B3GAT2: variants seen among roughly 807,000 people sequenced by gnomAD.
B3GAT2 encodes beta-1,3-glucuronyltransferase 2, also known as galactosylgalactosylxylosylprotein 3-beta-glucuronosyltransferase 2.
A neutral mutation model predicts 27.8 loss-of-function variants in B3GAT2; 26 were observed. The ratio of observed to expected loss-of-function variants is 0.93; its 90% CI spans 0.68 to 1.30. The LOEUF (loss-of-function observed/expected upper bound fraction) is 1.30, where lower values mean the gene tolerates loss of function less well. B3GAT2 is among the 50% of genes most tolerant of loss of function. The pLI is 0.00. For missense variants in B3GAT2, 458 were observed against 459.0 expected (o/e 1.00, Z 0.02); for synonymous variants, 218 against 195.1 (o/e 1.12, Z -0.98).
chr6:70,858,355 T>C lies in B3GAT2; in HGVS notation c.*3308A>G, dbSNP rs1771535096. The C allele has an allele frequency of 2.5e-6, 2 of 809,750 alleles. No homozygotes were observed. The highest frequency in any genetic ancestry group is 3.7e-6 in the Non-Finnish European group (2 of 545,084). 50.2% of individuals were successfully genotyped at this position (809,750 alleles called of 1,614,324 possible). On this transcript the variant is annotated 3_prime_UTR_variant, in exon 4 of 4. Transcript: ENST00000230053. The stretch of plus-strand genomic sequence containing the variant: ...GGCAGAAAGAATTCAATAGGGATAA[T>C]ATGTTATAGGGTCAAAAGTATCTAT...
intron 1 of B3GAT2, among the ~76,000 whole-genome samples, chr6:70,895,280 A>G (rs534268996): frequency 6.2e-4 from 95 of 152,274 alleles, no homozygotes; most frequent in Non-Finnish European, 1.2e-3. Flanking sequence ...TTGCTATAGA[A>G]CTGAACTGGG....
At chr6:70,890,373 C>T (rs901329971) in intron 2 of B3GAT2, among the ~76,000 whole-genome samples, 1 of 152,120 alleles carries the variant, frequency 6.6e-6, no homozygotes, top group Non-Finnish European at 1.5e-5. Flanking sequence ...CCCTGGTCCA[C>T]AGGACTCCAG....
Position 70,856,764 on chromosome 6 carries a change from C to CT in B3GAT2, c.*4898dup. ...TTTACCTTCTACAATTGTTTGATTC[C>CT]TATCTAATTTTATAACTTTATTTGG... On this transcript the variant is annotated 3_prime_UTR_variant, in exon 4 of 4. Transcript: ENST00000230053. 1 of 1,274,454 alleles carries CT rather than the reference C, an allele frequency of 7.8e-7. No homozygotes were observed. The highest frequency in any genetic ancestry group is 1.1e-6 in the Non-Finnish European group (1 of 941,002). 78.9% of individuals were successfully genotyped at this position (1,274,454 alleles called of 1,614,324 possible).
intron 1 of B3GAT2, among the ~76,000 whole-genome samples, chr6:70,924,821 A>C (rs536043685): frequency 2.6e-5 from 4 of 152,230 alleles, no homozygotes; most frequent in Non-Finnish European, 5.9e-5. Flanking sequence ...AGACCACCAG[A>C]ATGGGAGAAT....
intron 1 of B3GAT2, among the ~76,000 whole-genome samples, chr6:70,899,770 G>C (rs1372524833): frequency 1.3e-5 from 2 of 152,088 alleles, no homozygotes; most frequent in Non-Finnish European, 2.9e-5. Context: ...TCTGTCCTTT[G>C]TTCTGTGTCA....
intron 1 of B3GAT2, 106 bp downstream of exon 1, chr6:70,955,733 G>C: frequency 7.7e-7 from 1 of 1,292,648 alleles, no homozygotes; most frequent in Non-Finnish European, 1.0e-6. Flanking sequence ...GGAGAACTGA[G>C]AACTCAAAAG....
At chr6:70,869,016 A>G (rs1359661689) in intron 2 of B3GAT2, among the ~76,000 whole-genome samples, 1 of 152,180 alleles carries the variant, frequency 6.6e-6, no homozygotes, top group Non-Finnish European at 1.5e-5. Flanking sequence ...TAGCATATTC[A>G]TAACTCTGGG....
rs553674716 is a variant in B3GAT2 at position 70,909,471 on chromosome 6, T to C, written c.592-15199A>G. ...ATAATAAGGGGCTTTTAAAAATATA[T>C]ACACTGGAGTCAGACCCTCTAATAT... On this transcript the variant is annotated intron_variant, in intron 1 of 3. Coordinates refer to ENST00000230053, the MANE Select transcript of B3GAT2 (RefSeq NM_080742.3). Among the ~76,000 whole-genome samples the C allele has an allele frequency of 3.9e-5, 6 of 152,312 alleles. No individual in the cohort carries two copies. The East Asian group carries it at 9.6e-4, about 24-fold the overall frequency.
chr6:70,919,891 G>C (rs1305423773), intron 1 of B3GAT2, among the ~76,000 whole-genome samples: 5 of 152,188 alleles, frequency 3.3e-5, no homozygotes, highest in Admixed American at 3.3e-4. Context: ...TCCGTTATCA[G>C]AGCTTGAACG....
chr6:70,932,268 C>A (rs1773073934), intron 1 of B3GAT2, among the ~76,000 whole-genome samples: 1 of 152,074 alleles, frequency 6.6e-6, no homozygotes, highest in Non-Finnish European at 1.5e-5. Context: ...CATAGAAGTA[C>A]CATTGTGTCT....
chr6:70,904,594 G>A (rs141859486), intron 1 of B3GAT2, among the ~76,000 whole-genome samples: 7 of 152,126 alleles, frequency 4.6e-5, no homozygotes, highest in African/African-American at 1.7e-4. Flanking sequence ...GGCCAAAAAC[G>A]CCAAGAAGTG....
chr6:70,862,844 G>A (rs1460860588), intron 2 of B3GAT2, among the ~76,000 whole-genome samples: 2 of 152,072 alleles, frequency 1.3e-5, no homozygotes, highest in Non-Finnish European at 2.9e-5. Context: ...GTGGCACGTG[G>A]TGCGTGCCTG....
chr6:70,920,042 C>G (rs1772841236), intron 1 of B3GAT2, among the ~76,000 whole-genome samples: 1 of 152,196 alleles, frequency 6.6e-6, no homozygotes, highest in Non-Finnish European at 1.5e-5. Flanking sequence ...CCTTGCTGAG[C>G]TGCAGTGGGC....
At chr6:70,896,091 A>G (rs1234773700) in intron 1 of B3GAT2, among the ~76,000 whole-genome samples, 1 of 152,172 alleles carries the variant, frequency 6.6e-6, no homozygotes, top group Non-Finnish European at 1.5e-5. Context: ...GCCCTGAACA[A>G]AAACCCTGAA....
intron 1 of B3GAT2, among the ~76,000 whole-genome samples, chr6:70,914,398 T>G (rs1772734788): frequency 6.6e-6 from 1 of 152,186 alleles, no homozygotes; most frequent in Non-Finnish European, 1.5e-5. Flanking sequence ...TTTTCTGTCC[T>G]TGTGATAGTT....
chr6:70,955,059 G>C (rs1477033141), intron 1 of B3GAT2, among the ~76,000 whole-genome samples: 1 of 152,032 alleles, frequency 6.6e-6, no homozygotes, highest in East Asian at 1.9e-4. Context: ...TCGCCAAAAA[G>C]AGGCCTTAGA....
intron 2 of B3GAT2, among the ~76,000 whole-genome samples, chr6:70,875,816 ACT>A (rs2150025148): frequency 6.6e-6 from 1 of 152,320 alleles, no homozygotes; most frequent in Non-Finnish European, 1.5e-5. Context: ...AAAGTGAAAC[ACT>A]CTGCATTTCC....
intron 2 of B3GAT2, among the ~76,000 whole-genome samples, chr6:70,866,321 A>G (rs1771850908): frequency 6.6e-6 from 1 of 152,204 alleles, no homozygotes; most frequent in Non-Finnish European, 1.5e-5. Flanking sequence ...CTTCAAAAGC[A>G]AGCCTGGAAA....
intron 2 of B3GAT2, among the ~76,000 whole-genome samples, chr6:70,886,812 A>C (rs1047321165): frequency 2.0e-5 from 3 of 152,190 alleles, no homozygotes; most frequent in African/African-American, 7.2e-5. Flanking sequence ...ACCATGTTCT[A>C]GAAATAGATT....
Sources: gnomAD v4.1 joint callset for allele counts (sites outside exome capture counted in the v4.1 genomes callset) on GRCh38, gnomAD v4.1.1 for gene constraint, MANE v1.5 for transcripts, NCBI Gene and HGNC (gene_info 2026-07-23, HGNC 2026-07-21) for gene names.